PKD1L1: variants seen among roughly 807,000 people sequenced by gnomAD.
PKD1L1 encodes the protein polycystin 1 like 1, transient receptor potential channel interacting.
PKD1L1 carries 236 observed loss-of-function variants against 323.4 expected under a neutral mutation model. The observed-to-expected ratio is 0.73, with a 90% CI of 0.66 to 0.81. The LOEUF (loss-of-function observed/expected upper bound fraction) is 0.81. Ranked by LOEUF, PKD1L1 falls within the 40% of genes least tolerant of loss-of-function variation. The probability of loss-of-function intolerance (pLI) is 0.00; values close to 1 mark genes in which losing one functional copy is unlikely to be tolerated. For synonymous variants in PKD1L1, 1,344 were observed against 1,335.0 expected (o/e 1.01, Z -0.15); for missense variants, 3,320 against 3,508.0 (o/e 0.95, Z 1.35).
At chr7:47,880,095 C>G (rs1268674752) in intron 21 of PKD1L1, among the ~76,000 whole-genome samples, 1 of 149,864 alleles carries the variant, frequency 6.7e-6, no homozygotes, top group Non-Finnish European at 1.5e-5. Context: ...AAGGGTAAGG[C>G]GAGGCCTGTG....
At chr7:47,864,695 C>T (rs1256566634) in intron 26 of PKD1L1, among the ~76,000 whole-genome samples, 1 of 134,716 alleles carries the variant, frequency 7.4e-6, no homozygotes, top group Non-Finnish European at 1.6e-5. Flanking sequence ...TCCCTCCCCT[C>T]CCCTCCCTTC....
At chr7:47,850,397 CAAG>C (rs1431132572) in intron 31 of PKD1L1, among the ~76,000 whole-genome samples, 2 of 151,942 alleles carry the variant, frequency 1.3e-5, no homozygotes, top group Non-Finnish European at 2.9e-5. Context: ...TTTGGGACGC[CAAG>C]GAGGATGGAT....
chr7:47,799,781 G>A (rs1222091580), intron 54 of PKD1L1, among the ~76,000 whole-genome samples: 2 of 152,132 alleles, frequency 1.3e-5, no homozygotes, highest in African/African-American at 4.8e-5. Flanking sequence ...ACAGAGCAGG[G>A]GTCCCAACCC....
chr7:47,866,403 C>CT lies in PKD1L1; in HGVS notation c.4092+15dup, dbSNP rs745582740. Reference sequence around the variant, plus strand: ...AAGGTTTACAGACACTAAACTCACCCTCCTCTGAGCCATACCTGATCTACA... The same window carrying CT: ...AAGGTTTACAGACACTAAACTCACCCTTCCTCTGAGCCATACCTGATCTACA... On this transcript the variant is annotated intron_variant, in intron 25 of 56. Coordinates refer to ENST00000289672, the MANE Select transcript of PKD1L1 (RefSeq NM_138295.5). 5.6e-6 allele frequency: 9 copies of CT among 1,607,198 alleles called. No individual in the cohort carries two copies. The highest frequency in any genetic ancestry group is 1.7e-4 in the Middle Eastern group (1 of 6,054).
chr7:47,901,743 T>G (rs1787094508), intron 13 of PKD1L1, among the ~76,000 whole-genome samples: 1 of 152,182 alleles, frequency 6.6e-6, no homozygotes, highest in East Asian at 1.9e-4. Flanking sequence ...GCTGACCTCT[T>G]GGGGTCAGAT....
chr7:47,905,970 G>A lies in PKD1L1; in HGVS notation c.1403-8C>T, dbSNP rs1396903470. 24 of 1,572,094 alleles carry A rather than the reference G, an allele frequency of 1.5e-5. No homozygotes were observed. Among genetic ancestry groups the A allele is most frequent in the Middle Eastern group, 1.7e-4 (1 of 5,928 alleles). On this transcript the variant is annotated splice_polypyrimidine_tract_variant and splice_region_variant and intron_variant, in intron 9 of 56. Transcript: ENST00000289672. ...GATGTATAACCACAGTGCCTAAAAT[G>A]AGAAAAAAAGGAGATAAGAGAAAAA...
At chr7:47,957,381 T>C in the PKD1L1 span, 1 of 152,278 alleles carries the variant, frequency 6.6e-6, no homozygotes, top group East Asian at 1.9e-4. Context: ...AGGAGGAAGT[T>C]AACTGTCTCT....
rs1251083288 is a variant in PKD1L1, at chr7:47,929,283, C to T, written c.981G>A (p.Gly327=). ...GEALCLMMDF[G]DSSGVEMRLH... is the part of the protein sequence containing the mutation. ...GCCTCATTTCAACCCCAGAACTGTC[C>T]CCGAAATCCATCATCAGACAGAGAG... The change falls in exon 7 of 57, where the codon GGG becomes GGA. Residue 327 remains glycine, a synonymous_variant. Coordinates refer to ENST00000289672, the MANE Select transcript of PKD1L1 (RefSeq NM_138295.5). 3 of 1,613,988 alleles carry T rather than the reference C, an allele frequency of 1.9e-6. No individual in the cohort carries two copies. The Admixed American group carries it at 5.0e-5, about 27-fold the overall frequency.
intron 53 of PKD1L1, among the ~76,000 whole-genome samples, chr7:47,801,872 T>C (rs1047407366): frequency 6.6e-6 from 1 of 152,220 alleles, no homozygotes; most frequent in Admixed American, 6.5e-5. Flanking sequence ...AAATTATTTA[T>C]ATTCTGGGCT....
chr7:47,788,201 GCAGC>G (rs1786855273), intron 56 of PKD1L1, among the ~76,000 whole-genome samples: 1 of 151,662 alleles, frequency 6.6e-6, no homozygotes, highest in Non-Finnish European at 1.5e-5. Flanking sequence ...TTTATCAAAT[GCAGC>G]CATGGAAAAA....
chr7:47,875,987 A>T (rs1786395259), intron 23 of PKD1L1, 110 bp downstream of exon 23: 8 of 1,235,264 alleles, frequency 6.5e-6, no homozygotes, highest in Non-Finnish European at 7.9e-6. Context: ...CATTAAACTG[A>T]TCAAGGTGAT....
chr7:47,804,843 C>T (rs1223083390), intron 52 of PKD1L1, among the ~76,000 whole-genome samples: 2 of 152,062 alleles, frequency 1.3e-5, no homozygotes, highest in African/African-American at 4.8e-5. Flanking sequence ...ACTCACAGCA[C>T]ATCTCAGTTT....
At chr7:47,779,005 T>C (rs768914393) in intron 56 of PKD1L1, among the ~76,000 whole-genome samples, 9 of 152,262 alleles carry the variant, frequency 5.9e-5, no homozygotes, top group Admixed American at 1.3e-4. Flanking sequence ...TCTTGTCCTA[T>C]GGAGAGAATC....
At chr7:47,882,402 A>G (rs1297605068) in intron 19 of PKD1L1, among the ~76,000 whole-genome samples, 1 of 151,964 alleles carries the variant, frequency 6.6e-6, no homozygotes, top group East Asian at 1.9e-4. Context: ...AACCAGATCA[A>G]TGGTGTCCTT....
At chr7:47,924,644 A>G (rs191438920) in intron 7 of PKD1L1, among the ~76,000 whole-genome samples, 46 of 152,328 alleles carry the variant, frequency 3.0e-4, no homozygotes, top group Non-Finnish European at 1.8e-4. Context: ...ATCTTCAGAC[A>G]TGGAGGGTGC....
At chr7:47,809,106 T>A (rs187976522) in intron 51 of PKD1L1, 464 of 158,810 alleles carry the variant, frequency 2.9e-3, no homozygotes, top group South Asian at 0.01. Context: ...TTTTTAAAAA[T>A]TTTGTTTTAA....
At chr7:47,797,498 G>A (rs2128724969) in intron 54 of PKD1L1, among the ~76,000 whole-genome samples, 1 of 151,642 alleles carries the variant, frequency 6.6e-6, no homozygotes, top group South Asian at 2.1e-4. Context: ...TAGGTCTGAG[G>A]CCTCCTGGAT....
intron 5 of PKD1L1, among the ~76,000 whole-genome samples, chr7:47,931,564 G>A (rs1787772458): frequency 6.6e-6 from 1 of 152,230 alleles, no homozygotes; most frequent in African/African-American, 2.4e-5. Context: ...AGAACTATGA[G>A]GCATGTTTGA....
intron 22 of PKD1L1, among the ~76,000 whole-genome samples, chr7:47,876,511 C>T (rs936823422): frequency 3.3e-5 from 5 of 152,136 alleles, no homozygotes; most frequent in African/African-American, 1.2e-4. Context: ...ACTGTCACAG[C>T]CCCCTCAGGG....
Sources: allele counts gnomAD v4.1 joint callset (sites outside exome capture counted in the v4.1 genomes callset), GRCh38; gene constraint gnomAD v4.1.1; transcripts MANE v1.5; gene names NCBI Gene and HGNC (gene_info 2026-07-23, HGNC 2026-07-21).